Variants in NECAP1 observed in about 807,000 individuals in gnomAD.
NECAP1 encodes NECAP endocytosis associated 1.
Under a neutral mutation model 33.4 loss-of-function variants are expected in NECAP1, and 13 were observed. That is an observed-to-expected ratio of 0.39 (90% CI 0.25 to 0.62). NECAP1 has a LOEUF of 0.62. Among genes scored for constraint, NECAP1 ranks in the 20% least tolerant of loss-of-function variants. The pLI, the probability that NECAP1 is intolerant of heterozygous loss-of-function variation, is 0.52. For synonymous variants in NECAP1, 109 were observed against 125.2 expected (o/e 0.87, Z 0.86); for missense variants, 272 against 347.4 (o/e 0.78, Z 1.73).
intron 6 of NECAP1, 195 bp downstream of exon 6, chr12:8,093,250 A>G: frequency 1.9e-6 from 1 of 533,116 alleles, no homozygotes; most frequent in East Asian, 3.4e-5. Context: ...GTTCTTTGGC[A>G]GAAAATATTT....
chr12:8,086,571 G>A (rs566428735), intron 1 of NECAP1, among the ~76,000 whole-genome samples: 1 of 152,126 alleles, frequency 6.6e-6, no homozygotes, highest in Non-Finnish European at 1.5e-5. Context: ...CTGAGATCAT[G>A]CCACTGCTCT....
chr12:8,090,373 G>A lies in NECAP1; in HGVS notation c.301+74G>A, dbSNP rs761903461. On this transcript the variant is annotated intron_variant, in intron 3 of 7. Coordinates refer to ENST00000339754, the MANE Select transcript of NECAP1 (RefSeq NM_015509.4). ...ATGCACAGCCATGAAAAGTGTTTCC[G>A]ATTGCATTTATCTTTCTTTGGTTTA... The A allele has an allele frequency of 1.5e-5, 19 of 1,284,060 alleles. No individual in the cohort carries two copies. The African/African-American group carries it at 1.6e-4, about 11-fold the overall frequency. 79.5% of individuals were successfully genotyped at this position (1,284,060 alleles called of 1,614,324 possible).
rs1311872012 is a variant in NECAP1 at position 8,082,441 on chromosome 12, T to A, written c.95+58T>A. The A allele has an allele frequency of 5.4e-6, 8 of 1,477,146 alleles. No individual in the cohort carries two copies. The Admixed American group carries it at 1.4e-4, about 27-fold the overall frequency. The allele number at this position is 1,477,146 out of a possible 1,614,324, so 91.5% of individuals were successfully genotyped here. A position where few individuals can be genotyped will look rare whatever the true frequency, so the allele number is the denominator to read the frequency against. ...ACTCTGTCGCAGATGACAGCTTCCT[T>A]CTCAGCTAGCACGCTGTCCGTCCCT... On this transcript the variant is annotated intron_variant, in intron 1 of 7. Transcript: ENST00000339754.
At chr12:8,094,705 A>G (rs995584466) in intron 6 of NECAP1, 1 of 152,262 alleles carries the variant, frequency 6.6e-6, no homozygotes, top group African/African-American at 2.4e-5. Flanking sequence ...GACTTCAGTG[A>G]TCCTCCTGCC....
At chr12:8,093,115 T>A (rs1947564729) in intron 6 of NECAP1, 60 bp downstream of exon 6, 2 of 1,519,168 alleles carry the variant, frequency 1.3e-6, no homozygotes, top group Admixed American at 3.4e-5. Flanking sequence ...AAGCAACACC[T>A]GTTTGTCAAG....
chr12:8,096,129 A>G lies in NECAP1; in HGVS notation c.*39A>G. 1 of 1,601,482 alleles carries G rather than the reference A, an allele frequency of 6.2e-7. No individual in the cohort carries two copies. Among genetic ancestry groups the G allele is most frequent in the South Asian group, 1.1e-5 (1 of 90,450 alleles). ...GACATTAAGGACAGACTTGAGGAATAAAAATGACCTTGAGGGCACCAATCT... is the reference window on the plus strand; with the variant it reads ...GACATTAAGGACAGACTTGAGGAATGAAAATGACCTTGAGGGCACCAATCT... On this transcript the variant is annotated 3_prime_UTR_variant, in exon 8 of 8. Transcript: ENST00000339754.
Position 8,097,296 on chromosome 12 carries a change from G to C in NECAP1, c.*1206G>C, listed in dbSNP as rs751158618. The C allele has an allele frequency of 5.2e-5, 8 of 152,732 alleles. No homozygotes were observed. Among genetic ancestry groups the C allele is most frequent in the African/African-American group, 1.9e-4 (8 of 41,562 alleles). 9.5% of individuals were successfully genotyped at this position (152,732 alleles called of 1,614,324 possible). A position where few individuals can be genotyped will look rare whatever the true frequency, so the allele number is the denominator to read the frequency against. On this transcript the variant is annotated 3_prime_UTR_variant, in exon 8 of 8. Coordinates refer to ENST00000339754, the MANE Select transcript of NECAP1 (RefSeq NM_015509.4). ...GCTGTGAAAAAAGTTCTGCTTCTTA[G>C]GTGAATGGGTACTTTCTATTTTGTT...
intron 2 of NECAP1, 75 bp downstream of exon 2, chr12:8,090,111 G>T: frequency 6.3e-7 from 1 of 1,577,116 alleles, no homozygotes; most frequent in Non-Finnish European, 8.7e-7. Context: ...TCAATTTGGG[G>T]ACTGGAATGG....
At chr12:8,090,388 T>C in intron 3 of NECAP1, 89 bp downstream of exon 3, 1 of 1,179,746 alleles carries the variant, frequency 8.5e-7, no homozygotes, top group Non-Finnish European at 1.2e-6. Flanking sequence ...CATTTATCTT[T>C]CTTTGGTTTA....
At chr12:8,092,273 C>G in intron 4 of NECAP1, 1 of 264,822 alleles carries the variant, frequency 3.8e-6, no homozygotes, top group Non-Finnish European at 7.3e-6. Context: ...TGCACACTGT[C>G]AGCTTCCTAC....
Position 8,091,825 on chromosome 12 carries a change from A to C in NECAP1, c.358A>C (p.Asn120His). 1 of 1,613,750 alleles carries C rather than the reference A, an allele frequency of 6.2e-7. No individual in the cohort carries two copies. The highest frequency in any genetic ancestry group is 1.1e-5 in the South Asian group (1 of 90,890). The change falls in exon 4 of 8, where the codon AAT (asparagine) becomes CAT (histidine). Residue 120 changes from asparagine (N) to histidine (H), a missense_variant. Physicochemically the swap from Asn to His is moderately conservative, Grantham distance 68. Coordinates refer to ENST00000339754, the MANE Select transcript of NECAP1 (RefSeq NM_015509.4). Reference sequence around the variant, plus strand: ...AGATCGGGGAGATGCCTTCGACTTTAATGTCTCCTTGCAGGATCACTTCAA... The same window carrying C: ...AGATCGGGGAGATGCCTTCGACTTTCATGTCTCCTTGCAGGATCACTTCAA... ...FTDRGDAFDF[N>H]VSLQDHFKWV...
At chr12:8,094,960 C>T (rs746421468) in intron 6 of NECAP1, among the ~76,000 whole-genome samples, 9 of 152,338 alleles carry the variant, frequency 5.9e-5, no homozygotes, top group African/African-American at 1.9e-4. Context: ...TTTGTCACTT[C>T]AGGAATGTTC....
At chr12:8,091,690 G>C in intron 3 of NECAP1, 79 bp from the exon 4 acceptor site, 1 of 1,263,302 alleles carries the variant, frequency 7.9e-7, no homozygotes, top group Non-Finnish European at 1.1e-6. Flanking sequence ...TTTCTAACAG[G>C]CCACAGACTG....
intron 7 of NECAP1, 105 bp from the exon 8 acceptor site, chr12:8,095,937 G>A: frequency 2.8e-6 from 4 of 1,430,662 alleles, no homozygotes; most frequent in Non-Finnish European, 3.8e-6. Flanking sequence ...ATGAAGTGTG[G>A]TTTTGGAAAT....
chr12:8,092,949 G>A lies in NECAP1; in HGVS notation c.570G>A (p.Pro190=), dbSNP rs148192941. ...RGGGLSLLPP[P]PGGKVTIPPP... ...GGGGTCTGAGCTTACTCCCACCCCC[G>A]CCAGGAGGCAAAGTCACTATTCCCC... Residue 190 remains proline (P), a synonymous_variant, in exon 6 of 8, where the codon CCG becomes CCA. Transcript: ENST00000339754. 3.4e-5 allele frequency: 55 copies of A among 1,604,818 alleles called. No individual in the cohort carries two copies. The East Asian group carries it at 9.4e-4, about 27-fold the overall frequency.
At chr12:8,082,528 AC>A in intron 1 of NECAP1, 145 bp downstream of exon 1, 1 of 672,044 alleles carries the variant, frequency 1.5e-6, no homozygotes, top group Non-Finnish European at 2.6e-6. Flanking sequence ...CATCTCCCTG[AC>A]CACCTGCTCC....
chr12:8,090,617 T>C (rs750765986), intron 3 of NECAP1: 32 of 227,832 alleles, frequency 1.4e-4, no homozygotes, highest in Non-Finnish European at 2.6e-4. Context: ...GAGGCCAGCC[T>C]GACCAATATG....
intron 1 of NECAP1, among the ~76,000 whole-genome samples, chr12:8,085,590 T>C (rs1947480414): frequency 6.6e-6 from 1 of 152,132 alleles, no homozygotes; most frequent in East Asian, 1.9e-4. Context: ...TTTGCTGGGT[T>C]ACCTTTGGCA....
Position 8,096,074 on chromosome 12 carries a change from A to C in NECAP1, c.812A>C (p.Asn271Thr). The C allele has an allele frequency of 6.2e-7, 1 of 1,614,128 alleles. No homozygotes were observed. Among genetic ancestry groups the C allele is most frequent in the Non-Finnish European group, 8.5e-7 (1 of 1,179,996 alleles). Residue 271 changes from asparagine to threonine, a missense_variant, in exon 8 of 8, where the codon AAC (asparagine) becomes ACC (threonine). By Grantham distance (65) the Asn-to-Thr change is moderately conservative. Transcript: ENST00000339754. Reference protein sequence around the residue: ...SVPNQAPQPSNWVQF With the variant: ...SVPNQAPQPSTWVQF ...CCAAACCAGGCACCACAGCCATCCA[A>C]CTGGGTCCAGTTCTGAATGGCATTG...
Sources: gnomAD v4.1 joint callset for allele counts (sites outside exome capture counted in the v4.1 genomes callset) on GRCh38, gnomAD v4.1.1 for gene constraint, MANE v1.5 for transcripts, NCBI Gene and HGNC (gene_info 2026-07-23, HGNC 2026-07-21) for gene names.